Variants in MICU1 observed in about 807,000 individuals in gnomAD.
MICU1 encodes the protein mitochondrial calcium uptake 1, also known as calcium uptake protein 1, mitochondrial.
MICU1 carries 45 observed loss-of-function variants against 56.8 expected under a neutral mutation model. The observed-to-expected ratio is 0.79, with a 90% CI of 0.62 to 1.02. The LOEUF (loss-of-function observed/expected upper bound fraction) is 1.02, where lower values mean the gene tolerates loss of function less well. Ranked by LOEUF, MICU1 falls within the 50% of genes least tolerant of loss-of-function variation. MICU1 has a pLI of 0.00. For missense variants in MICU1, 504 were observed against 587.1 expected (o/e 0.86, Z 1.46); for synonymous variants, 186 against 195.1 (o/e 0.95, Z 0.39).
intron 8 of MICU1, among the ~76,000 whole-genome samples, chr10:72,459,918 T>G (rs995965415): frequency 6.6e-6 from 1 of 152,232 alleles, no homozygotes; most frequent in Non-Finnish European, 1.5e-5. Flanking sequence ...TACTCTTTCA[T>G]ACCAATTGCC....
At chr10:72,596,255 G>A (rs898569891) in intron 1 of MICU1, among the ~76,000 whole-genome samples, 2 of 152,128 alleles carry the variant, frequency 1.3e-5, no homozygotes, top group African/African-American at 4.8e-5. Context: ...GATTACAGGC[G>A]TGAGCCACTG....
intron 10 of MICU1, chr10:72,379,635 T>C (rs1862637097): frequency 2.6e-6 from 1 of 388,838 alleles, no homozygotes; most frequent in African/African-American, 2.1e-5. Context: ...GTGAGAGCTC[T>C]TGACAATTTC....
intron 8 of MICU1, among the ~76,000 whole-genome samples, chr10:72,467,490 C>T (rs1389100070): frequency 6.6e-6 from 1 of 151,842 alleles, no homozygotes; most frequent in East Asian, 1.9e-4. Flanking sequence ...GCCTAATTTT[C>T]TGTATTTTTA....
chr10:72,439,041 C>T (rs928563271), intron 8 of MICU1, among the ~76,000 whole-genome samples: 1 of 152,192 alleles, frequency 6.6e-6, no homozygotes, highest in Non-Finnish European at 1.5e-5. Context: ...TCCTCCCTAA[C>T]TCATTTTATA....
intron 8 of MICU1, among the ~76,000 whole-genome samples, chr10:72,442,119 A>C (rs1864955790): frequency 6.6e-6 from 1 of 152,092 alleles, no homozygotes; most frequent in African/African-American, 2.4e-5. Flanking sequence ...CAGCTCCCTA[A>C]AATATGCAAT....
intron 1 of MICU1, 99 bp from the exon 2 acceptor site, chr10:72,566,893 G>T: frequency 9.8e-7 from 1 of 1,023,274 alleles, no homozygotes; most frequent in Non-Finnish European, 1.4e-6. Flanking sequence ...TAAAGTAATT[G>T]CTCTATGACA....
At chr10:72,389,484 T>C (rs1012792454) in intron 10 of MICU1, among the ~76,000 whole-genome samples, 1 of 152,218 alleles carries the variant, frequency 6.6e-6, no homozygotes, top group African/African-American at 2.4e-5. Flanking sequence ...TATTTGTTCT[T>C]TTGGCTTGTC....
intron 8 of MICU1, among the ~76,000 whole-genome samples, chr10:72,466,562 TG>T (rs1832954116): frequency 6.6e-6 from 1 of 152,224 alleles, no homozygotes; most frequent in Non-Finnish European, 1.5e-5. Context: ...GAAATGTCAT[TG>T]AACATATCAT....
chr10:72,377,803 T>C (rs2132040594), intron 10 of MICU1, among the ~76,000 whole-genome samples: 1 of 152,360 alleles, frequency 6.6e-6, no homozygotes, highest in Middle Eastern at 3.4e-3. Flanking sequence ...CTAGAACCAC[T>C]GTGCCTTGTT....
At chr10:72,453,896 C>T (rs541280880) in intron 8 of MICU1, among the ~76,000 whole-genome samples, 2 of 151,858 alleles carry the variant, frequency 1.3e-5, no homozygotes, top group East Asian at 2.0e-4. Context: ...AGTGCAGTGG[C>T]GTGATCTCAG....
chr10:72,513,990 T>C (rs531896199), intron 5 of MICU1, among the ~76,000 whole-genome samples: 85 of 152,260 alleles, frequency 5.6e-4, no homozygotes, highest in African/African-American at 2.0e-3. Context: ...ATAAACATTT[T>C]AAAGTATAAG....
intron 11 of MICU1, among the ~76,000 whole-genome samples, chr10:72,371,229 C>CA (rs944891155): frequency 1.2e-4 from 17 of 145,570 alleles, no homozygotes; most frequent in South Asian, 2.2e-4. Flanking sequence ...ACTAAAAATA[C>CA]AAAAAAAAAT....
chr10:72,518,532 T>C (rs1259649397), intron 5 of MICU1, among the ~76,000 whole-genome samples: 1 of 152,152 alleles, frequency 6.6e-6, no homozygotes, highest in Non-Finnish European at 1.5e-5. Flanking sequence ...TGTAAGGGTA[T>C]ATAATGTGAG....
At chr10:72,551,015 T>TC (rs1296475895) in intron 4 of MICU1, among the ~76,000 whole-genome samples, 164 bp downstream of exon 4, 2 of 152,238 alleles carry the variant, frequency 1.3e-5, no homozygotes, top group East Asian at 3.8e-4. Flanking sequence ...TGCAGGCTTC[T>TC]CTTTTGTACT....
intron 1 of MICU1, among the ~76,000 whole-genome samples, chr10:72,606,686 T>A (rs1841700731): frequency 6.6e-6 from 1 of 152,014 alleles, no homozygotes; most frequent in Non-Finnish European, 1.5e-5. Context: ...ACTTTTTCTA[T>A]CCTAATGAGA....
intron 10 of MICU1, among the ~76,000 whole-genome samples, chr10:72,394,550 C>T (rs1441515962): frequency 6.6e-6 from 1 of 151,786 alleles, no homozygotes; most frequent in African/African-American, 2.4e-5. Flanking sequence ...CACTGGAACC[C>T]AGGAGGCAGA....
intron 1 of MICU1, among the ~76,000 whole-genome samples, chr10:72,570,034 C>G (rs953781071): frequency 6.6e-6 from 1 of 152,160 alleles, no homozygotes; most frequent in Non-Finnish European, 1.5e-5. Context: ...CAACCTCTAC[C>G]TCCTGGGTTC....
Position 72,573,653 on chromosome 10 carries a change from G to T in MICU1, c.-1-6859C>A, listed in dbSNP as rs115433470. Among the ~76,000 whole-genome samples, 1,300 of 152,174 alleles carry T rather than the reference G, an allele frequency of 8.5e-3. 18 individuals are homozygous for T. The highest frequency in any genetic ancestry group is 0.03 in the African/African-American group (1,227 of 41,514). Reference sequence around the variant, plus strand: ...ACTTTGTAAAATATATAATCACATGGTTAATTTTTTATTTATAAATAAAAT... The same window carrying T: ...ACTTTGTAAAATATATAATCACATGTTTAATTTTTTATTTATAAATAAAAT... On this transcript the variant is annotated intron_variant, in intron 1 of 11. Coordinates refer to ENST00000361114, the MANE Select transcript of MICU1 (RefSeq NM_001195518.2).
intron 6 of MICU1, among the ~76,000 whole-genome samples, chr10:72,482,744 A>C (rs1490021065): frequency 2.0e-5 from 3 of 151,756 alleles, no homozygotes; most frequent in African/African-American, 7.3e-5. Context: ...GGCTTCTTAG[A>C]ACTTGCTTCC....
Sources: allele counts gnomAD v4.1 joint callset (sites outside exome capture counted in the v4.1 genomes callset), GRCh38; gene constraint gnomAD v4.1.1; transcripts MANE v1.5; gene names NCBI Gene and HGNC (gene_info 2026-07-23, HGNC 2026-07-21).